Variants in NAV3 observed in about 807,000 individuals in gnomAD.
NAV3 encodes the protein pore membrane and/or filament interacting like protein 1.
In NAV3, 87 loss-of-function variants were observed where a neutral mutation model predicts 244.7. The ratio of observed to expected loss-of-function variants is 0.36; its 90% CI spans 0.30 to 0.42. NAV3 has a LOEUF of 0.42. Among genes scored for constraint, NAV3 ranks in the 20% least tolerant of loss-of-function variants. The pLI is 1.00. For missense variants in NAV3, 2,663 were observed against 2,893.3 expected, an observed-to-expected ratio of 0.92 and a Z score of 1.83; for synonymous variants, 1,126 against 1,042.2, an observed-to-expected ratio of 1.08 and a Z score of -1.55.
chr12:77,769,867 T>C (rs946931011), intron 2 of NAV3, among the ~76,000 whole-genome samples: 1 of 152,198 alleles, frequency 6.6e-6, no homozygotes, highest in African/African-American at 2.4e-5. Flanking sequence ...CTTTCTATTA[T>C]GAGAAAGTGA....
intron 16 of NAV3, among the ~76,000 whole-genome samples, chr12:78,123,929 T>C (rs1955793697): frequency 1.3e-5 from 2 of 152,236 alleles, no homozygotes; most frequent in Non-Finnish European, 2.9e-5. Context: ...ATGTCATTTA[T>C]AAAACTTCTA....
intron 1 of NAV3, among the ~76,000 whole-genome samples, chr12:77,843,532 T>C (rs1295534903): frequency 6.6e-6 from 1 of 152,024 alleles, no homozygotes; most frequent in Non-Finnish European, 1.5e-5. Context: ...TATTTTTTTT[T>C]TTTAGGAATC....
At chr12:78,048,789 G>A (rs772363246) in intron 9 of NAV3, among the ~76,000 whole-genome samples, 2 of 152,222 alleles carry the variant, frequency 1.3e-5, no homozygotes, top group Non-Finnish European at 2.9e-5. Flanking sequence ...GCAGGCAAGA[G>A]TGTTTTAGTC....
chr12:78,169,819 A>G (rs2139571404), intron 24 of NAV3, among the ~76,000 whole-genome samples: 1 of 151,918 alleles, frequency 6.6e-6, no homozygotes, highest in African/African-American at 2.4e-5. Flanking sequence ...CAGACATGGA[A>G]ACAGCATTTG....
intron 2 of NAV3, among the ~76,000 whole-genome samples, chr12:77,706,893 ACC>A (rs367729078): frequency 1.8e-5 from 2 of 113,230 alleles, no homozygotes; most frequent in African/African-American, 3.2e-5. Flanking sequence ...AAAAAAAAAA[ACC>A]AAAAAAAAAA....
In NAV3 at chr12:77,998,352, T is replaced by A. The variant is rs775372605; in HGVS notation, c.756T>A (p.Ser252=). The A allele has an allele frequency of 5.7e-6, 9 of 1,591,480 alleles. No individual in the cohort carries two copies. The Admixed American group carries it at 1.6e-4, about 29-fold the overall frequency. The part of the protein sequence containing the change: ...QKKPTRLPGP[S]RVPAAGSSSK... Reference sequence around the variant, plus strand: ...ACTATTTCAGGCTTCCAGGGCCCTCTAGGGTGCCTGCTGCAGGAAGCAGCA... The same window carrying A: ...ACTATTTCAGGCTTCCAGGGCCCTCAAGGGTGCCTGCTGCAGGAAGCAGCA... The change falls in exon 7 of 40, where the codon TCT becomes TCA. Residue 252 remains serine, a synonymous_variant. Transcript: ENST00000397909.
At chr12:77,733,247 G>A (rs78332850) in intron 2 of NAV3, among the ~76,000 whole-genome samples, 323 of 152,140 alleles carry the variant, frequency 2.1e-3, no homozygotes, top group African/African-American at 7.5e-3. Context: ...ATAAGATTTA[G>A]TGAAAGATTG....
rs372102023 is a variant in NAV3 at position 78,179,610 on chromosome 12, G to C, written c.5445G>C (p.Thr1815=). The C allele has an allele frequency of 6.2e-7, 1 of 1,613,302 alleles. No homozygotes were observed. The highest frequency in any genetic ancestry group is 1.1e-5 in the South Asian group (1 of 91,034). The change falls in exon 29 of 40, where the codon ACG becomes ACC. Residue 1815 remains threonine, a synonymous_variant. Coordinates refer to ENST00000397909, the MANE Select transcript of NAV3 (RefSeq NM_001024383.2). ...SELREKELKL[T]DIRLEALSSA... is the part of the protein sequence containing the mutation. ...TCAGAGAAAAGGAATTAAAATTAAC[G>C]GATATTCGGCTGGAGGCCCTCAGCT...
intron 12 of NAV3, among the ~76,000 whole-genome samples, chr12:78,083,212 T>C: frequency 6.6e-6 from 1 of 152,134 alleles, no homozygotes; most frequent in African/African-American, 2.4e-5. Context: ...CTGGCTTTTA[T>C]AACAGACCTA....
intron 9 of NAV3, among the ~76,000 whole-genome samples, chr12:78,047,041 C>G (rs2137170687): frequency 1.3e-5 from 2 of 152,220 alleles, no homozygotes; most frequent in Middle Eastern, 6.8e-3. Flanking sequence ...TTATCAGAGT[C>G]TAGAATTGTA....
At chr12:77,912,081 A>T (rs1405092212) in intron 1 of NAV3, among the ~76,000 whole-genome samples, 1 of 152,148 alleles carries the variant, frequency 6.6e-6, no homozygotes, top group Non-Finnish European at 1.5e-5. Context: ...AAGGTAATGT[A>T]AATTTCCTGG....
rs1232328192 is a variant in NAV3, at chr12:78,119,880, T to C, written c.3684T>C (p.Cys1228=). 1 of 1,614,066 alleles carries C rather than the reference T, an allele frequency of 6.2e-7. No homozygotes were observed. Among genetic ancestry groups the C allele is most frequent in the Non-Finnish European group, 8.5e-7 (1 of 1,180,034 alleles). The change falls in exon 15 of 40, where the codon TGT becomes TGC. Residue 1228 remains cysteine, a synonymous_variant. Transcript: ENST00000397909. ...CCAGCCCCACCTCTGCCAGCGCCTG[T>C]GGTGCACAAGGTCTCAGGCAGCCAG... ...PKSSPTSASA[C]GAQGLRQPGS... is the part of the protein sequence containing the mutation.
intron 1 of NAV3, among the ~76,000 whole-genome samples, chr12:77,934,483 C>T (rs989907260): frequency 6.6e-6 from 1 of 152,158 alleles, no homozygotes; most frequent in African/African-American, 2.4e-5. Context: ...CCAAATGCTA[C>T]TTTGAAACTC....
intron 12 of NAV3, among the ~76,000 whole-genome samples, chr12:78,072,197 G>A (rs1385036668): frequency 1.3e-5 from 2 of 149,748 alleles, no homozygotes; most frequent in Admixed American, 6.7e-5. Flanking sequence ...GAGCAGAACT[G>A]AAGGAAATAG....
chr12:77,797,388 T>G (rs1871458759), intron 2 of NAV3, among the ~76,000 whole-genome samples: 1 of 152,022 alleles, frequency 6.6e-6, no homozygotes, highest in South Asian at 2.1e-4. Context: ...TTTCAATATA[T>G]TCATTATGTA....
chr12:78,185,625 A>T lies in NAV3; in HGVS notation c.5717A>T (p.Asp1906Val). 6.2e-7 allele frequency: 1 copy of T among 1,608,404 alleles called. No homozygotes were observed. ...SSDILLDDAG[D>V]ATGHKDGRSV... ...GATATTTTGCTAGATGATGCTGGTG[A>T]TGCAACTGGACATAAAGATGGCCGC... The change falls in exon 31 of 40, where the codon GAT (aspartate) becomes GTT (valine). Residue 1906 changes from aspartate to valine, a missense_variant. By Grantham distance (152) the Asp-to-Val change is radical. Transcript: ENST00000397909.
At chr12:77,790,725 A>C (rs530619394) in intron 2 of NAV3, among the ~76,000 whole-genome samples, 1 of 152,102 alleles carries the variant, frequency 6.6e-6, no homozygotes, top group Non-Finnish European at 1.5e-5. Flanking sequence ...ACCTAAACCT[A>C]TGGGATTCAT....
At chr12:77,658,164 A>G (rs1873221058) in intron 2 of NAV3, among the ~76,000 whole-genome samples, 7 of 152,160 alleles carry the variant, frequency 4.6e-5, no homozygotes, top group Admixed American at 4.6e-4. Context: ...GAGGAAGTCA[A>G]ATTTTCCCTG....
intron 12 of NAV3, among the ~76,000 whole-genome samples, chr12:78,108,603 CAT>C (rs1954926539): frequency 6.6e-6 from 1 of 152,106 alleles, no homozygotes; most frequent in Non-Finnish European, 1.5e-5. Context: ...AATCATATCA[CAT>C]ATCTTCTCAG....
Sources: allele counts gnomAD v4.1 joint callset (sites outside exome capture counted in the v4.1 genomes callset), GRCh38; gene constraint gnomAD v4.1.1; transcripts MANE v1.5; gene names NCBI Gene and HGNC (gene_info 2026-07-23, HGNC 2026-07-21).